The following DCC variants were observed in gnomAD, a reference collection of about 807,000 sequenced individuals.
The protein encoded by DCC is DCC netrin 1 receptor.
A neutral mutation model predicts 172.5 loss-of-function variants in DCC; 58 were observed. That is an observed-to-expected ratio of 0.34 (90% CI 0.27 to 0.42). The LOEUF is 0.42. Ranked by LOEUF, DCC falls within the 10% of genes least tolerant of loss-of-function variation. The probability of loss-of-function intolerance (pLI) is 1.00; values close to 1 mark genes in which losing one functional copy is unlikely to be tolerated. For missense variants in DCC, 1,740 were observed against 1,791.0 expected (o/e 0.97, Z 0.51); for synonymous variants, 709 against 644.5 (o/e 1.10, Z -1.52).
chr18:52,794,159 G>GC (rs911443311), intron 2 of DCC, among the ~76,000 whole-genome samples: 35 of 151,532 alleles, frequency 2.3e-4, no homozygotes, highest in African/African-American at 8.5e-4. Context: ...ATAAATTTTA[G>GC]TTTTTTTTTA....
intron 12 of DCC, among the ~76,000 whole-genome samples, chr18:53,279,926 G>C (rs1003415606): frequency 2.6e-5 from 4 of 151,958 alleles, no homozygotes; most frequent in Admixed American, 1.3e-4. Flanking sequence ...ACGGACACTG[G>C]GGTCTACTTA....
intron 1 of DCC, among the ~76,000 whole-genome samples, chr18:52,530,401 A>G (rs1285070562): frequency 6.6e-6 from 1 of 152,234 alleles, no homozygotes; most frequent in Non-Finnish European, 1.5e-5. Flanking sequence ...CTGTGGGTTT[A>G]AACCCTACTT....
At chr18:53,067,327 T>G (rs1384845198) in intron 7 of DCC, among the ~76,000 whole-genome samples, 5 of 151,886 alleles carry the variant, frequency 3.3e-5, no homozygotes. Flanking sequence ...TTGAGACCAA[T>G]CTGGACAACA....
intron 7 of DCC, among the ~76,000 whole-genome samples, chr18:53,069,456 G>A (rs1223456345): frequency 6.6e-6 from 1 of 152,126 alleles, no homozygotes; most frequent in Non-Finnish European, 1.5e-5. Flanking sequence ...GTCTGCTGAG[G>A]CTGTGCCAAC....
intron 1 of DCC, among the ~76,000 whole-genome samples, chr18:52,540,596 C>CTTT (rs1568219181): frequency 5.6e-5 from 3 of 53,646 alleles, no homozygotes; most frequent in Non-Finnish European, 7.8e-5. Flanking sequence ...TATTCAACTG[C>CTTT]CTTTTTTTTT....
intron 2 of DCC, among the ~76,000 whole-genome samples, chr18:52,806,443 A>G (rs1285517868): frequency 1.3e-5 from 2 of 152,212 alleles, no homozygotes; most frequent in African/African-American, 2.4e-5. Flanking sequence ...GCTCACCAAA[A>G]TAGGGTCTTT....
intron 1 of DCC, among the ~76,000 whole-genome samples, chr18:52,411,691 C>T (rs1202125840): frequency 6.6e-6 from 1 of 152,138 alleles, no homozygotes; most frequent in African/African-American, 2.4e-5. Context: ...AGTTTTGAAT[C>T]CAGGTTCTTC....
intron 12 of DCC, among the ~76,000 whole-genome samples, chr18:53,257,790 C>T (rs927718016): frequency 3.3e-5 from 5 of 152,138 alleles, no homozygotes; most frequent in African/African-American, 1.2e-4. Context: ...GGAATGGTAC[C>T]AGCTCCTCCT....
At chr18:53,204,774 G>T (rs1474520368) in intron 9 of DCC, among the ~76,000 whole-genome samples, 10 of 152,244 alleles carry the variant, frequency 6.6e-5, no homozygotes, top group Non-Finnish European at 1.5e-4. Context: ...ATTATCCATA[G>T]CTGTGCGACC....
At chr18:52,635,314 A>T (rs2034753198) in intron 1 of DCC, among the ~76,000 whole-genome samples, 1 of 152,302 alleles carries the variant, frequency 6.6e-6, no homozygotes, top group African/African-American at 2.4e-5. Context: ...ACTGCTACTA[A>T]AAAAATGAAC....
intron 2 of DCC, among the ~76,000 whole-genome samples, chr18:52,815,592 T>A (rs373819243): frequency 3.3e-5 from 5 of 152,170 alleles, no homozygotes; most frequent in African/African-American, 1.2e-4. Flanking sequence ...TGTGAGAAAT[T>A]AATTTCTGCT....
intron 15 of DCC, among the ~76,000 whole-genome samples, chr18:53,348,031 C>T (rs537360500): frequency 1.3e-5 from 2 of 152,198 alleles, no homozygotes; most frequent in South Asian, 4.2e-4. Flanking sequence ...AATCATATGT[C>T]CTCACATTTC....
At chr18:52,473,504 T>C (rs998087096) in intron 1 of DCC, among the ~76,000 whole-genome samples, 1 of 152,172 alleles carries the variant, frequency 6.6e-6, no homozygotes, top group Non-Finnish European at 1.5e-5. Context: ...CTCAAAGTTC[T>C]GCAGGTCTGG....
chr18:52,417,251 C>A (rs912931931), intron 1 of DCC, among the ~76,000 whole-genome samples: 6 of 152,174 alleles, frequency 3.9e-5, no homozygotes, highest in African/African-American at 1.4e-4. Context: ...CGCTGTTAGT[C>A]TGATGGGCTT....
At chr18:52,677,173 A>T (rs1025432754) in intron 1 of DCC, among the ~76,000 whole-genome samples, 2 of 152,266 alleles carry the variant, frequency 1.3e-5, no homozygotes, top group Admixed American at 1.3e-4. Flanking sequence ...CAAGGTTTTA[A>T]ATTTCTATCT....
chr18:52,817,428 C>T lies in DCC; in HGVS notation c.412+65054C>T, dbSNP rs56690850. Among the ~76,000 whole-genome samples the T allele has an allele frequency of 4.4e-3, 662 of 152,112 alleles. 34 individuals are homozygous for T. In the East Asian group the frequency reaches 0.11, roughly 24 times the overall value. On this transcript the variant is annotated intron_variant, in intron 2 of 28. Transcript: ENST00000442544. ...TCAGTAGTCATCTTTATAGAAAATG[C>T]TAAGTTAATTATAAAATTATAAATG...
chr18:52,752,891 T>G (rs1795019843), intron 2 of DCC, among the ~76,000 whole-genome samples: 1 of 152,174 alleles, frequency 6.6e-6, no homozygotes, highest in Non-Finnish European at 1.5e-5. Flanking sequence ...CTTAGCATAA[T>G]ATCCTGTAGG....
intron 7 of DCC, among the ~76,000 whole-genome samples, chr18:53,109,234 T>G (rs117243864): frequency 5.9e-5 from 9 of 151,534 alleles, no homozygotes; most frequent in Non-Finnish European, 1.0e-4. Flanking sequence ...ATTTTTAGAT[T>G]GATAGGTTTT....
chr18:52,676,200 G>A (rs1311264196), intron 1 of DCC, among the ~76,000 whole-genome samples: 1 of 152,172 alleles, frequency 6.6e-6, no homozygotes, highest in East Asian at 1.9e-4. Context: ...TCTCAGCTAA[G>A]AACTTTGGAG....
Sources: gnomAD v4.1 joint callset for allele counts (sites outside exome capture counted in the v4.1 genomes callset) on GRCh38, gnomAD v4.1.1 for gene constraint, MANE v1.5 for transcripts, NCBI Gene and HGNC (gene_info 2026-07-23, HGNC 2026-07-21) for gene names.